The following CNGA3 variants were observed in gnomAD, a reference collection of about 807,000 sequenced individuals.
CNGA3 encodes the protein cyclic nucleotide-gated channel alpha-3.
In CNGA3, 42 loss-of-function variants were observed where a neutral mutation model predicts 46.6. That is an observed-to-expected ratio of 0.90 (90% CI 0.70 to 1.17). CNGA3 has a LOEUF of 1.17. CNGA3 is among the 50% of genes most tolerant of loss of function. The probability of loss-of-function intolerance (pLI) is 0.00; values close to 1 mark genes in which losing one functional copy is unlikely to be tolerated. For missense variants in CNGA3, 893 were observed against 890.7 expected, an observed-to-expected ratio of 1.00 and a Z score of -0.03; for synonymous variants, 394 against 369.4, an observed-to-expected ratio of 1.07 and a Z score of -0.76.
rs1558809815 is a variant in CNGA3, at chr2:98,373,346, GA to G, written c.101+3273del. 5.3e-5 allele frequency among the ~76,000 whole-genome samples: 8 copies of G among 152,338 alleles called. No individual in the cohort carries two copies. The South Asian group carries it at 1.7e-3, about 32-fold the overall frequency. On this transcript the variant is annotated intron_variant, in intron 2 of 7. Coordinates refer to ENST00000272602, the MANE Select transcript of CNGA3 (RefSeq NM_001298.3). Reference sequence around the variant, plus strand: ...TTGTCTTGAAATTCCAGTCCTTTTAGAAAGCTTTATGAGACAAATGATTGAG... The same window carrying G: ...TTGTCTTGAAATTCCAGTCCTTTTAGAAGCTTTATGAGACAAATGATTGAG...
Position 98,377,688 on chromosome 2 carries a change from G to A in CNGA3, c.103G>A (p.Ala35Thr). Residue 35 changes from alanine to threonine, a missense_variant and splice_region_variant, in exon 3 of 8, where the codon GCC (alanine) becomes ACC (threonine). Ala to Thr is a moderately conservative substitution (Grantham distance 58). Around this residue, in one of 3 missense-constraint regions of CNGA3, gnomAD observed 333 missense variants for 290.8 expected, o/e 1.15. Coordinates refer to ENST00000272602, the MANE Select transcript of CNGA3 (RefSeq NM_001298.3). ...LNRAENGLSR[A>T]HSSSEETSSV... ...CTTGCTGCATATCTGATTTCCTAGAGCCCACTCGTCAAGTGAGGAGACATC... is the reference window on the plus strand; with the variant it reads ...CTTGCTGCATATCTGATTTCCTAGAACCCACTCGTCAAGTGAGGAGACATC... 6.2e-7 allele frequency: 1 copy of A among 1,612,878 alleles called. No homozygotes were observed. Among genetic ancestry groups the A allele is most frequent in the African/African-American group, 1.3e-5 (1 of 75,012 alleles).
At chr2:98,371,651 T>C (rs961076268) in intron 2 of CNGA3, among the ~76,000 whole-genome samples, 2 of 152,200 alleles carry the variant, frequency 1.3e-5, no homozygotes, top group Non-Finnish European at 2.9e-5. Context: ...AATACCTTTC[T>C]CCTAACTAGC....
intron 1 of CNGA3, among the ~76,000 whole-genome samples, chr2:98,350,069 C>T (rs947991144): frequency 1.3e-5 from 2 of 152,218 alleles, no homozygotes; most frequent in African/African-American, 4.8e-5. Flanking sequence ...TTTTGTCCTC[C>T]TTTGCAGGAT....
intron 1 of CNGA3, among the ~76,000 whole-genome samples, chr2:98,347,892 G>T (rs1574353343): frequency 6.6e-6 from 1 of 152,206 alleles, no homozygotes; most frequent in Non-Finnish European, 1.5e-5. Flanking sequence ...AAACCAGCAA[G>T]AATAGTGCTG....
chr2:98,348,410 C>T (rs1691692948), intron 1 of CNGA3, among the ~76,000 whole-genome samples: 1 of 152,194 alleles, frequency 6.6e-6, no homozygotes, highest in Admixed American at 6.5e-5. Flanking sequence ...ATTGAGGTTG[C>T]CATGGCGACC....
At chr2:98,385,080 T>G (rs1178381938) in intron 5 of CNGA3, among the ~76,000 whole-genome samples, 1 of 152,216 alleles carries the variant, frequency 6.6e-6, no homozygotes, top group African/African-American at 2.4e-5. Context: ...TTTGGGGCAG[T>G]GCTGGGTGGA....
chr2:98,346,587 G>A, intron 1 of CNGA3, 53 bp downstream of exon 1: 1 of 397,056 alleles, frequency 2.5e-6, no homozygotes. Context: ...GCGCCGGGAG[G>A]TGTGCTGGGG....
rs1330263985 is a variant in CNGA3, at chr2:98,391,886, T to C, written c.589T>C (p.Ser197Pro). Residue 197 changes from serine to proline, a missense_variant, in exon 7 of 8, where the codon TCC becomes CCC. Ser to Pro is a moderately conservative substitution (Grantham distance 74). This residue lies in a region of CNGA3 where 333 missense variants were observed against 290.8 expected (regional missense o/e 1.15). Coordinates refer to ENST00000272602, the MANE Select transcript of CNGA3 (RefSeq NM_001298.3). ...TAGGGCCTGTTTCGATGAGCTGCAG[T>C]CCGAGTACCTGATGCTGTGGCTGGT... ...ICRACFDELQ[S>P]EYLMLWLVLD... The C allele has an allele frequency of 6.2e-7, 1 of 1,614,162 alleles. No homozygotes were observed. The highest frequency in any genetic ancestry group is 8.5e-7 in the Non-Finnish European group (1 of 1,180,000).
intron 1 of CNGA3, among the ~76,000 whole-genome samples, chr2:98,364,227 A>T (rs1692097048): frequency 6.6e-6 from 1 of 152,074 alleles, no homozygotes; most frequent in African/African-American, 2.4e-5. Context: ...AAAATACAAA[A>T]ATTAGCCAGG....
intron 5 of CNGA3, among the ~76,000 whole-genome samples, chr2:98,388,251 G>GC (rs1042967126): frequency 6.6e-6 from 1 of 152,140 alleles, no homozygotes; most frequent in Non-Finnish European, 1.5e-5. Flanking sequence ...TGCTAAATGT[G>GC]CCCCGGCATC....
intron 5 of CNGA3, among the ~76,000 whole-genome samples, chr2:98,386,323 A>C (rs538951490): frequency 1.3e-5 from 2 of 152,298 alleles, no homozygotes; most frequent in African/African-American, 4.8e-5. Flanking sequence ...CCCAAATCTC[A>C]TCTTGAATTG....
At chr2:98,389,534 G>A (rs1692734745) in intron 5 of CNGA3, 124 bp from the exon 6 acceptor site, 1 of 841,248 alleles carries the variant, frequency 1.2e-6, no homozygotes, top group Admixed American at 1.7e-5. Context: ...TTGAGACTAA[G>A]AGGACCCTGT....
Position 98,391,954 on chromosome 2 carries a change from T to A in CNGA3, c.657T>A (p.Leu219=), listed in dbSNP as rs928276131. 2 of 1,614,028 alleles carry A rather than the reference T, an allele frequency of 1.2e-6. No individual in the cohort carries two copies. Residue 219 remains leucine (L), a synonymous_variant, in exon 7 of 8, where the codon CTT becomes CTA. Transcript: ENST00000272602. The part of the protein sequence containing the change: ...SADVLYVLDV[L]VRARTGFLEQ... ...ATGTCCTGTATGTCTTGGATGTGCT[T>A]GTACGAGCTCGGACAGGTGAGTGTG...
intron 1 of CNGA3, among the ~76,000 whole-genome samples, chr2:98,362,325 G>T (rs1241659903): frequency 6.6e-6 from 1 of 151,586 alleles, no homozygotes; most frequent in South Asian, 2.1e-4. Flanking sequence ...GATTACAGGC[G>T]CCTGCCACCA....
At chr2:98,387,723 C>T (rs1321537087) in intron 5 of CNGA3, among the ~76,000 whole-genome samples, 1 of 152,208 alleles carries the variant, frequency 6.6e-6, no homozygotes, top group Non-Finnish European at 1.5e-5. Flanking sequence ...TTTGCCACTA[C>T]ATGCGTCACA....
intron 2 of CNGA3, among the ~76,000 whole-genome samples, chr2:98,376,485 G>A (rs1279906650): frequency 6.6e-6 from 1 of 152,160 alleles, no homozygotes; most frequent in Non-Finnish European, 1.5e-5. Context: ...AGAGAGGGAA[G>A]AATCTGTGGG....
At position 98,396,936 on chromosome 2, in the gene CNGA3, C is replaced by T. The variant is rs770218685; in HGVS notation, c.1766C>T (p.Thr589Ile). 2 of 1,614,126 alleles carry T rather than the reference C, an allele frequency of 1.2e-6. No individual in the cohort carries two copies. The highest frequency in any genetic ancestry group is 1.7e-6 in the Non-Finnish European group (2 of 1,180,028). Reference sequence around the variant, plus strand: ...AAGGACGATCTCATGGAGGCCCTCACCGAGTACCCCGAAGCCAAGAAGGCC... The same window carrying T: ...AAGGACGATCTCATGGAGGCCCTCATCGAGTACCCCGAAGCCAAGAAGGCC... ...LSKDDLMEAL[T>I]EYPEAKKALE... Residue 589 changes from threonine (T) to isoleucine (I), a missense_variant, in exon 8 of 8, where the codon ACC becomes ATC. Thr to Ile is a moderately conservative substitution (Grantham distance 89, BLOSUM62 -1). Coordinates refer to ENST00000272602, the MANE Select transcript of CNGA3 (RefSeq NM_001298.3).
Position 98,397,283 on chromosome 2 carries a change from A to G in CNGA3, c.*28A>G. The G allele has an allele frequency of 1.2e-6, 2 of 1,609,460 alleles. No homozygotes were observed. Among genetic ancestry groups the G allele is most frequent in the Non-Finnish European group, 1.7e-6 (2 of 1,177,206 alleles). Reference sequence around the variant, plus strand: ...ATGCAGCATCTGTCTCCTGCTTCACAGGGTCGACTGTCAGGGTGACCGTAT... The same window carrying G: ...ATGCAGCATCTGTCTCCTGCTTCACGGGGTCGACTGTCAGGGTGACCGTAT... On this transcript the variant is annotated 3_prime_UTR_variant, in exon 8 of 8. Coordinates refer to ENST00000272602, the MANE Select transcript of CNGA3 (RefSeq NM_001298.3).
intron 2 of CNGA3, among the ~76,000 whole-genome samples, chr2:98,372,372 C>T (rs1692307760): frequency 1.3e-5 from 2 of 152,206 alleles, no homozygotes; most frequent in South Asian, 2.1e-4. Flanking sequence ...TGCAGGCTCA[C>T]TCTGGAATGC....
Sources: gnomAD v4.1 joint callset for allele counts (sites outside exome capture counted in the v4.1 genomes callset) on GRCh38, gnomAD v4.1.1 for gene constraint, gnomAD v4.1.1 regional missense constraint, MANE v1.5 for transcripts, NCBI Gene and HGNC (gene_info 2026-07-23, HGNC 2026-07-21) for gene names.